The following ACAP3 variants were observed in gnomAD, a reference collection of about 807,000 sequenced individuals.
ACAP3 encodes arf-GAP with coiled-coil, ANK repeat and PH domain-containing protein 3.
In ACAP3, 56 loss-of-function variants were observed where a neutral mutation model predicts 104.1. That is an observed-to-expected ratio of 0.54 (90% CI 0.43 to 0.67). The LOEUF is 0.67. Ranked by LOEUF, ACAP3 falls within the 30% of genes least tolerant of loss-of-function variation. The pLI is 0.00. For synonymous variants in ACAP3, 628 were observed against 496.2 expected, an observed-to-expected ratio of 1.27 and a Z score of -3.53; for missense variants, 1,208 against 1,174.9, an observed-to-expected ratio of 1.03 and a Z score of -0.41.
chr1:1,305,597 C>G (rs1024478000), intron 1 of ACAP3: 3 of 152,236 alleles, frequency 2.0e-5, no homozygotes, highest in Admixed American at 6.5e-5. Flanking sequence ...GCAGAGGCCC[C>G]GAGAGCCGCT....
In ACAP3 at chr1:1,293,459, G is replaced by A; in HGVS notation, c.*105C>T. 2.5e-6 allele frequency: 3 copies of A among 1,194,152 alleles called. No individual in the cohort carries two copies. Among genetic ancestry groups the A allele is most frequent in the Non-Finnish European group, 2.1e-6 (2 of 942,088 alleles). 74.0% of individuals were successfully genotyped at this position (1,194,152 alleles called of 1,614,324 possible). A position where few individuals can be genotyped will look rare whatever the true frequency, so the allele number is the denominator to read the frequency against. On this transcript the variant is annotated 3_prime_UTR_variant, in exon 24 of 24. Transcript: ENST00000354700. ...CCCAGCACTGGGGCTGCCAGGTATC[G>A]ACCCGCGGGTCACACGCAGGGCCGC...
At position 1,293,984 on chromosome 1, in the gene ACAP3, G is replaced by C. The variant is rs751958595; in HGVS notation, c.2250-51C>G. The C allele has an allele frequency of 1.4e-5, 21 of 1,477,874 alleles. 1 individual carries two copies. In the South Asian group the frequency reaches 2.6e-4, roughly 19 times the overall value. 91.5% of individuals were successfully genotyped at this position (1,477,874 alleles called of 1,614,324 possible). A position where few individuals can be genotyped will look rare whatever the true frequency, so the allele number is the denominator to read the frequency against. ...GTCGGGGCGGGGCGGGGCGGGGCGA[G>C]TGTGGTCGCGGGGGCGTGGCCGGAT... is the stretch of plus-strand genomic sequence containing the variant. On this transcript the variant is annotated intron_variant, in intron 22 of 23. Coordinates refer to ENST00000354700, the MANE Select transcript of ACAP3 (RefSeq NM_030649.3).
At chr1:1,302,828 G>GC (rs1004909579) in intron 4 of ACAP3, 94 bp downstream of exon 4, 287 of 815,046 alleles carry the variant, frequency 3.5e-4, no homozygotes, top group Middle Eastern at 1.2e-3. Context: ...GCAGAAACGT[G>GC]CCCCCCCCAA....
At chr1:1,302,855 A>T in intron 4 of ACAP3, 67 bp downstream of exon 4, 1 of 1,308,938 alleles carries the variant, frequency 7.6e-7, no homozygotes, top group Non-Finnish European at 1.0e-6. Context: ...GCCGGCCTTC[A>T]GGTGAGCCAG....
Position 1,293,624 on chromosome 1 carries a change from C to T in ACAP3, c.2445G>A (p.Thr815=), listed in dbSNP as rs376142702. Residue 815 remains threonine (T), a synonymous_variant, in exon 24 of 24, where the codon ACG becomes ACA. Coordinates refer to ENST00000354700, the MANE Select transcript of ACAP3 (RefSeq NM_030649.3). ...GPPGALAGSP[T]ELQFRRCIQE... ...GGATACACCTGCGGAACTGGAGCTC[C>T]GTGGGGCTGCCCGCCAGGGCGCCCG... The T allele has an allele frequency of 5.4e-4, 813 of 1,494,010 alleles. 3 individuals carry two copies. The African/African-American group carries it at 0.01, about 19-fold the overall frequency. 92.5% of individuals were successfully genotyped at this position (1,494,010 alleles called of 1,614,324 possible).
intron 15 of ACAP3, 62 bp downstream of exon 15, chr1:1,296,361 CAG>C (rs1456288785): frequency 7.6e-5 from 117 of 1,534,154 alleles, no homozygotes; most frequent in South Asian, 8.3e-5. Flanking sequence ...GCCTGGCCCT[CAG>C]GGGCCCACCT....
Position 1,295,916 on chromosome 1 carries a change from T to C in ACAP3, c.1525A>G (p.Lys509Glu). 1 of 1,612,438 alleles carries C rather than the reference T, an allele frequency of 6.2e-7. No individual in the cohort carries two copies. Among genetic ancestry groups the C allele is most frequent in the Admixed American group, 1.7e-5 (1 of 60,018 alleles). ...AACTTCTTTTCCACGTATTTGTCCT[T>C]GATCCAGGCCTCCTTGTCCTGCCTG... ...SSRQDKEAWI[K>E]DKYVEKKFLR... is the part of the protein sequence containing the mutation. The change falls in exon 18 of 24, where the codon AAG (lysine) becomes GAG (glutamate). Residue 509 changes from lysine to glutamate, a missense_variant. By Grantham distance (56) the Lys-to-Glu change is moderately conservative. Coordinates refer to ENST00000354700, the MANE Select transcript of ACAP3 (RefSeq NM_030649.3).
chr1:1,298,373 G>A lies in ACAP3; in HGVS notation c.912C>T (p.Leu304=). The change falls in exon 12 of 24, where the codon CTC becomes CTT. Residue 304 remains leucine, a synonymous_variant. Transcript: ENST00000354700. ...QNSQLVYQKK[L]KDALTVVVDD... Reference sequence around the variant, plus strand: ...CAGCCCCAGGCCCAGGGCACACCTTGAGCTTCTTCTGGTAGACCAGCTGGC... The same window carrying A: ...CAGCCCCAGGCCCAGGGCACACCTTAAGCTTCTTCTGGTAGACCAGCTGGC... The A allele has an allele frequency of 1.9e-6, 3 of 1,604,802 alleles. No individual in the cohort carries two copies. The highest frequency in any genetic ancestry group is 2.2e-5 in the East Asian group (1 of 44,730).
In ACAP3 at chr1:1,299,333, G is replaced by C; in HGVS notation, c.750+12C>G. 1 of 1,594,588 alleles carries C rather than the reference G, an allele frequency of 6.3e-7. No homozygotes were observed. The highest frequency in any genetic ancestry group is 8.5e-7 in the Non-Finnish European group (1 of 1,170,966). ...CCGACCCACAGCCCGCCCAGGGCCC[G>C]TGCTCACTTACCTGCAGCAGCGTCT... On this transcript the variant is annotated intron_variant, in intron 10 of 23. Transcript: ENST00000354700.
intron 4 of ACAP3, among the ~76,000 whole-genome samples, chr1:1,302,602 G>A (rs1246946440): frequency 6.6e-6 from 1 of 152,076 alleles, no homozygotes. Flanking sequence ...GTCCATCCAC[G>A]TCAGTGCCAG....
At position 1,295,853 on chromosome 1, in the gene ACAP3, G is replaced by A. The variant is rs1289839552; in HGVS notation, c.1588C>T (p.Pro530Ser). The change falls in exon 18 of 24, where the codon CCA becomes TCA. Residue 530 changes from proline (P) to serine (S), a missense_variant. Transcript: ENST00000354700. ...KAPMAPALEA[P>S]RRWRVQKCLR... ...CACTTCTGCACCCTCCAGCGTCTTG[G>A]GGCCTCCAGGGCTGGTGCCATGGGC... is the stretch of plus-strand genomic sequence containing the variant. The A allele has an allele frequency of 6.2e-7, 1 of 1,611,688 alleles. No homozygotes were observed. Among genetic ancestry groups the A allele is most frequent in the African/African-American group, 1.3e-5 (1 of 75,056 alleles).
chr1:1,302,053 G>A lies in ACAP3; in HGVS notation c.280-7C>T, dbSNP rs906479486. 1 of 1,524,864 alleles carries A rather than the reference G, an allele frequency of 6.6e-7. No homozygotes were observed. Among genetic ancestry groups the A allele is most frequent in the Non-Finnish European group, 8.8e-7 (1 of 1,130,528 alleles). 94.5% of individuals were successfully genotyped at this position (1,524,864 alleles called of 1,614,324 possible). On this transcript the variant is annotated splice_polypyrimidine_tract_variant and splice_region_variant and intron_variant, in intron 4 of 23. Transcript: ENST00000354700. ...GGGCCTGGTCAAACAGGATCTGGGG[G>A]CAGAGGCGGGCAGAGATCCTTGGGG...
intron 5 of ACAP3, 61 bp downstream of exon 5, chr1:1,301,927 T>C: frequency 7.0e-7 from 1 of 1,437,136 alleles, no homozygotes; most frequent in Non-Finnish European, 9.3e-7. Flanking sequence ...CAGACCCCCT[T>C]CCCCTCCAAG....
At position 1,295,744 on chromosome 1, in the gene ACAP3, A is replaced by G. The variant is rs778785991; in HGVS notation, c.1697T>C (p.Leu566Pro). Reference protein sequence around the residue: ...LEPVLPCVAALSSVGTLDRKF... With the variant: ...LEPVLPCVAAPSSVGTLDRKF... Reference sequence around the variant, plus strand: ...GGGGCATGGCCTCCCACCTGAGGACAGAGCGGCCACACAGGGCAGAACGGG... The same window carrying G: ...GGGGCATGGCCTCCCACCTGAGGACGGAGCGGCCACACAGGGCAGAACGGG... Residue 566 changes from leucine to proline, a missense_variant, in exon 18 of 24, where the codon CTG (leucine) becomes CCG (proline). Leu to Pro is a moderately conservative substitution (Grantham distance 98, BLOSUM62 -3). Coordinates refer to ENST00000354700, the MANE Select transcript of ACAP3 (RefSeq NM_030649.3). The G allele has an allele frequency of 6.2e-7, 1 of 1,602,668 alleles. No homozygotes were observed. Among genetic ancestry groups the G allele is most frequent in the Non-Finnish European group, 8.5e-7 (1 of 1,176,748 alleles).
chr1:1,306,869 C>T (rs1641737687), intron 1 of ACAP3, among the ~76,000 whole-genome samples: 2 of 152,222 alleles, frequency 1.3e-5, no homozygotes, highest in South Asian at 4.1e-4. Context: ...CGTGAACCCA[C>T]ACAGACAGGT....
At position 1,299,976 on chromosome 1, in the gene ACAP3, G is replaced by A. The variant is rs377689799; in HGVS notation, c.660C>T (p.Ala220=). ...CCCACCCCTCCCAAAGGCTCACCTCGGCTGCCAGCTTCTTCATGTAGGGGT... is the reference window on the plus strand; with the variant it reads ...CCCACCCCTCCCAAAGGCTCACCTCAGCTGCCAGCTTCTTCATGTAGGGGT... ...QLDPYMKKLA[A]ELDQLVIDSA... is the part of the protein sequence containing the mutation. Residue 220 remains alanine, a synonymous_variant, in exon 8 of 24, where the codon GCC becomes GCT. Transcript: ENST00000354700. The A allele has an allele frequency of 4.5e-5, 73 of 1,608,576 alleles. No individual in the cohort carries two copies. The highest frequency in any genetic ancestry group is 8.9e-5 in the East Asian group (4 of 44,734).
intron 19 of ACAP3, chr1:1,295,081 C>A: frequency 1.8e-6 from 1 of 557,948 alleles, no homozygotes; most frequent in Non-Finnish European, 3.2e-6. Flanking sequence ...TTACCCGGCA[C>A]CCCCCGCAGT....
At chr1:1,296,802 CT>C (rs200854902) in intron 14 of ACAP3, among the ~76,000 whole-genome samples, 169 bp from the exon 15 acceptor site, 48 of 144,572 alleles carry the variant, frequency 3.3e-4, no homozygotes, top group South Asian at 1.8e-3. Flanking sequence ...TGGCCCCCCC[CT>C]CGAGCACACG....
rs765102532 is a variant in ACAP3, at chr1:1,298,668, G to A, written c.762C>T (p.Tyr254=). ...CGTCAAACTCCACTTTGGACTCATCGTAGGAGAAGTCCTGGGGGGATGGAA... is the reference window on the plus strand; with the variant it reads ...CGTCAAACTCCACTTTGGACTCATCATAGGAGAAGTCCTGGGGGGATGGAA... ...QQRTLLQDFS[Y]DESKVEFDVD... Residue 254 remains tyrosine, a synonymous_variant, in exon 11 of 24, where the codon TAC becomes TAT. Coordinates refer to ENST00000354700, the MANE Select transcript of ACAP3 (RefSeq NM_030649.3). The A allele has an allele frequency of 5.1e-5, 82 of 1,611,892 alleles. No homozygotes were observed. In the South Asian group the frequency reaches 5.9e-4, roughly 12 times the overall value.
Sources: gnomAD v4.1 joint callset for allele counts (sites outside exome capture counted in the v4.1 genomes callset) on GRCh38, gnomAD v4.1.1 for gene constraint, MANE v1.5 for transcripts, NCBI Gene and HGNC (gene_info 2026-07-23, HGNC 2026-07-21) for gene names.